The following CEP112 variants were observed in gnomAD, a reference collection of about 807,000 sequenced individuals.
The protein encoded by CEP112 is centrosomal protein 112, also known as centrosomal protein of 112 kDa.
Under a neutral mutation model 153.0 loss-of-function variants are expected in CEP112, and 127 were observed. The ratio of observed to expected loss-of-function variants is 0.83; its 90% CI spans 0.72 to 0.96. The LOEUF (loss-of-function observed/expected upper bound fraction) is 0.96. Among genes scored for constraint, CEP112 ranks in the 40% least tolerant of loss-of-function variants. The pLI, the probability that CEP112 is intolerant of heterozygous loss-of-function variation, is 0.00. For synonymous variants in CEP112, 358 were observed against 374.4 expected, an observed-to-expected ratio of 0.96 and a Z score of 0.51; for missense variants, 1,089 against 1,101.2, an observed-to-expected ratio of 0.99 and a Z score of 0.16.
chr17:65,959,862 AG>A (rs2062135782), intron 18 of CEP112, among the ~76,000 whole-genome samples: 6 of 152,172 alleles, frequency 3.9e-5, no homozygotes, highest in Admixed American at 3.9e-4. Context: ...CACCCTTGGC[AG>A]GTGTTGGATA....
intron 21 of CEP112, among the ~76,000 whole-genome samples, chr17:65,814,561 A>G (rs1043428150): frequency 6.6e-6 from 1 of 152,198 alleles, no homozygotes; most frequent in African/African-American, 2.4e-5. Flanking sequence ...AATGTTGGCC[A>G]TTTGTATTAT....
chr17:65,970,322 A>G (rs1421131102), intron 17 of CEP112, among the ~76,000 whole-genome samples: 4 of 147,122 alleles, frequency 2.7e-5, no homozygotes. Context: ...TATGTAAAAC[A>G]TATTGCATGC....
At chr17:65,722,173 G>A (rs932566140) in intron 23 of CEP112, among the ~76,000 whole-genome samples, 2 of 152,190 alleles carry the variant, frequency 1.3e-5, no homozygotes, top group African/African-American at 2.4e-5. Flanking sequence ...TTACCCTCAG[G>A]TGGGCTTAAG....
chr17:65,908,555 G>A, intron 19 of CEP112, among the ~76,000 whole-genome samples: 1 of 152,110 alleles, frequency 6.6e-6, no homozygotes, highest in East Asian at 1.9e-4. Context: ...TTAGCCTGGT[G>A]TGGTGGTGTA....
At chr17:65,862,336 C>G (rs2058336366) in intron 20 of CEP112, among the ~76,000 whole-genome samples, 1 of 152,164 alleles carries the variant, frequency 6.6e-6, no homozygotes, top group Non-Finnish European at 1.5e-5. Context: ...CGCCTGTAAT[C>G]CTAGCACTTT....
chr17:65,794,857 C>T (rs900405464), intron 21 of CEP112, among the ~76,000 whole-genome samples: 1 of 152,196 alleles, frequency 6.6e-6, no homozygotes, highest in Non-Finnish European at 1.5e-5. Context: ...CTGCAATAGT[C>T]TTTCAACCAG....
chr17:65,691,125 G>A (rs1253966192), intron 23 of CEP112, among the ~76,000 whole-genome samples: 1 of 152,112 alleles, frequency 6.6e-6, no homozygotes, highest in Non-Finnish European at 1.5e-5. Context: ...GGCCTGAGGA[G>A]CTAAGACTGC....
intron 21 of CEP112, among the ~76,000 whole-genome samples, chr17:65,778,739 GA>G (rs1218609067): frequency 1.3e-5 from 2 of 152,114 alleles, no homozygotes; most frequent in Non-Finnish European, 2.9e-5. Flanking sequence ...TCTAAGTATA[GA>G]AAAATATGAT....
chr17:66,004,823 A>G (rs538095334), intron 17 of CEP112, among the ~76,000 whole-genome samples: 4 of 152,264 alleles, frequency 2.6e-5, no homozygotes, highest in African/African-American at 9.6e-5. Flanking sequence ...TCTTATTTGC[A>G]GGTTTAGGGA....
At chr17:65,950,714 G>T (rs200343745) in intron 18 of CEP112, among the ~76,000 whole-genome samples, 35 of 98,890 alleles carry the variant, frequency 3.5e-4, no homozygotes, top group East Asian at 2.1e-3. Flanking sequence ...AGTAGTAGTA[G>T]TAGTAGTAGT....
At position 66,136,949 on chromosome 17, in the gene CEP112, T is replaced by C. The variant is rs180738949; in HGVS notation, c.471-4186A>G. On this transcript the variant is annotated intron_variant, in intron 4 of 26. Coordinates refer to ENST00000535342, the MANE Select transcript of CEP112 (RefSeq NM_001199165.4). ...CTGGGAGAAGCGGCTGTTTTTCAAA[T>C]ATGCAGACATTAACACAAAGGGTCA... is the stretch of plus-strand genomic sequence containing the variant. Among the ~76,000 whole-genome samples the C allele has an allele frequency of 2.1e-3, 314 of 152,066 alleles. 2 individuals are homozygous for C. Among genetic ancestry groups the C allele is most frequent in the African/African-American group, 7.1e-3 (295 of 41,460 alleles).
intron 12 of CEP112, among the ~76,000 whole-genome samples, chr17:66,049,729 G>A (rs1021444299): frequency 1.3e-5 from 2 of 152,108 alleles, no homozygotes; most frequent in Non-Finnish European, 2.9e-5. Context: ...ACATCTGGGC[G>A]ACAGAGTGAA....
intron 8 of CEP112, among the ~76,000 whole-genome samples, chr17:66,083,381 A>T (rs2067798027): frequency 6.6e-6 from 1 of 152,120 alleles, no homozygotes; most frequent in South Asian, 2.1e-4. Flanking sequence ...TTTCGTTATA[A>T]ATTACCCAGT....
In CEP112 at chr17:65,927,621, TA is replaced by T; in HGVS notation, c.1940del (p.Leu647TyrfsTer15). ...SLREKQSKEF[L>X]WQLEDIRQRY... ...GCTGTCTGATGTCCTCCAGTTGCCA[TA>T]AAAACTCCTTTGATTGTTTCTCACG... On this transcript the variant is annotated frameshift_variant, in exon 19 of 27. Coordinates refer to ENST00000535342, the MANE Select transcript of CEP112 (RefSeq NM_001199165.4). LOFTEE classifies it high-confidence loss of function. 6.2e-7 allele frequency: 1 copy of T among 1,602,602 alleles called. No individual in the cohort carries two copies. Among genetic ancestry groups the T allele is most frequent in the Admixed American group, 1.7e-5 (1 of 57,352 alleles).
chr17:66,094,151 C>T (rs2068245687), intron 8 of CEP112, among the ~76,000 whole-genome samples: 2 of 152,064 alleles, frequency 1.3e-5, no homozygotes, highest in Admixed American at 1.3e-4. Flanking sequence ...CCTCTGCCTC[C>T]CAGGTTCAAG....
intron 21 of CEP112, among the ~76,000 whole-genome samples, chr17:65,845,250 T>C (rs1383244310): frequency 6.6e-6 from 1 of 151,886 alleles, no homozygotes; most frequent in Non-Finnish European, 1.5e-5. Flanking sequence ...ATCTGGGAGG[T>C]GGAGGTTGTG....
At chr17:66,171,080 A>G (rs1032475764) in intron 4 of CEP112, among the ~76,000 whole-genome samples, 2 of 152,198 alleles carry the variant, frequency 1.3e-5, no homozygotes, top group African/African-American at 4.8e-5. Flanking sequence ...AGTTTGGAAC[A>G]AGACTATATA....
chr17:65,911,705 C>T (rs180780538), intron 19 of CEP112, among the ~76,000 whole-genome samples: 58 of 152,086 alleles, frequency 3.8e-4, no homozygotes, highest in Non-Finnish European at 5.4e-4. Context: ...GAAATCTTTC[C>T]GTTTCCCTTG....
intron 23 of CEP112, among the ~76,000 whole-genome samples, chr17:65,721,903 A>G (rs1375400197): frequency 6.6e-6 from 1 of 152,194 alleles, no homozygotes; most frequent in Non-Finnish European, 1.5e-5. Context: ...AACATTTCTC[A>G]GACTGCCCAC....
Sources: allele counts gnomAD v4.1 joint callset (sites outside exome capture counted in the v4.1 genomes callset), GRCh38; gene constraint gnomAD v4.1.1; transcripts MANE v1.5; gene names NCBI Gene and HGNC (gene_info 2026-07-23, HGNC 2026-07-21).